Variants in MCAM observed in about 807,000 individuals in gnomAD.
The protein encoded by MCAM is cell surface glycoprotein MUC18.
In MCAM, 55 loss-of-function variants were observed where a neutral mutation model predicts 79.1. The observed-to-expected ratio is 0.70, with a 90% confidence interval of 0.56 to 0.87. The LOEUF (loss-of-function observed/expected upper bound fraction) is 0.87, where lower values mean the gene tolerates loss of function less well. Among genes scored for constraint, MCAM ranks in the 40% least tolerant of loss-of-function variants. MCAM has a pLI of 0.00. For synonymous variants in MCAM, 330 were observed against 339.8 expected, an observed-to-expected ratio of 0.97 and a Z score of 0.32; for missense variants, 745 against 839.8, an observed-to-expected ratio of 0.89 and a Z score of 1.40.
At position 119,310,904 on chromosome 11, in the gene MCAM, C is replaced by G; in HGVS notation, c.1646-1G>C. 5 of 1,614,200 alleles carry G rather than the reference C, an allele frequency of 3.1e-6. No individual in the cohort carries two copies. Among genetic ancestry groups the G allele is most frequent in the Non-Finnish European group, 4.2e-6 (5 of 1,180,038 alleles). On this transcript the variant is annotated splice_acceptor_variant, in intron 13 of 15. Coordinates refer to ENST00000264036, the MANE Select transcript of MCAM (RefSeq NM_006500.3). LOFTEE classifies it high-confidence loss of function. Reference sequence around the variant, plus strand: ...CTCTCCGGCTCCGGCAGCTTTCTCTCTGCGCCACAAAGACACTCCTCGTCA... The same window carrying G: ...CTCTCCGGCTCCGGCAGCTTTCTCTGTGCGCCACAAAGACACTCCTCGTCA...
chr11:119,312,440 T>C lies in MCAM; in HGVS notation c.862-12A>G, dbSNP rs753107283. Reference sequence around the variant, plus strand: ...CTGGTGCTGGGGTTCTAGGGAGGATTGGGGAGGTGAGCAGAGTGCACCTCC... The same window carrying C: ...CTGGTGCTGGGGTTCTAGGGAGGATCGGGGAGGTGAGCAGAGTGCACCTCC... On this transcript the variant is annotated splice_polypyrimidine_tract_variant and intron_variant, in intron 7 of 15. Coordinates refer to ENST00000264036, the MANE Select transcript of MCAM (RefSeq NM_006500.3). This position sits in a 1 kb window ranked among gnomAD's most constrained non-coding sequence, Gnocchi z 4.9. 6.8e-6 allele frequency: 11 copies of C among 1,612,110 alleles called. No individual in the cohort carries two copies. The East Asian group carries it at 2.5e-4, about 36-fold the overall frequency.
In MCAM at chr11:119,308,923, C is replaced by T. The variant is rs1179195114; in HGVS notation, c.*963G>A. ...TGAACACGGGGGATTGAGGCTAATT[C>T]ACCTGAACTCGAAAACAGCGCCCAG... is the stretch of plus-strand genomic sequence containing the variant. On this transcript the variant is annotated 3_prime_UTR_variant, in exon 16 of 16. Coordinates refer to ENST00000264036, the MANE Select transcript of MCAM (RefSeq NM_006500.3). The T allele has an allele frequency of 6.6e-6, 1 of 152,238 alleles. No homozygotes were observed. The highest frequency in any genetic ancestry group is 1.5e-5 in the Non-Finnish European group (1 of 68,054). 9.4% of individuals were successfully genotyped at this position (152,238 alleles called of 1,614,324 possible). A position where few individuals can be genotyped will look rare whatever the true frequency, so the allele number is the denominator to read the frequency against.
rs776965140 is a variant in MCAM at position 119,314,968 on chromosome 11, C to G, written c.265G>C (p.Glu89Gln). Residue 89 changes from glutamate to glutamine, a missense_variant, in exon 3 of 16, where the codon GAG becomes CAG. Glu to Gln is a conservative substitution (Grantham distance 29). Coordinates refer to ENST00000264036, the MANE Select transcript of MCAM (RefSeq NM_006500.3). ...CTGTCCTGGAGGCTGAGCCGCTGCT[C>G]GTACTCCCCAGGTTCGCTCTGGCCC... ...GQGQSEPGEY[E>Q]QRLSLQDRGA... is the part of the protein sequence containing the mutation. The G allele has an allele frequency of 1.9e-6, 3 of 1,611,982 alleles. No individual in the cohort carries two copies. The highest frequency in any genetic ancestry group is 2.5e-6 in the Non-Finnish European group (3 of 1,179,966).
At position 119,310,884 on chromosome 11, in the gene MCAM, C is replaced by T. The variant is rs139348270; in HGVS notation, c.1665G>A (p.Pro555=). 1.5e-5 allele frequency: 24 copies of T among 1,614,186 alleles called. No individual in the cohort carries two copies. In the Middle Eastern group the frequency reaches 4.9e-4, roughly 33 times the overall value. ...STSTERKLPE[P]ESRGVVIVAV... is the part of the protein sequence containing the mutation. ...CCACGATGACCACGCCCCGGCTCTC[C>T]GGCTCCGGCAGCTTTCTCTCTGCGC... Residue 555 remains proline, a synonymous_variant, in exon 14 of 16, where the codon CCG becomes CCA. Transcript: ENST00000264036.
intron 15 of MCAM, 34 bp downstream of exon 15, chr11:119,310,315 G>A (rs1238494577): frequency 5.8e-6 from 8 of 1,371,344 alleles, no homozygotes; most frequent in Non-Finnish European, 8.3e-6. Flanking sequence ...CCCTGAGGAT[G>A]TGGCAGGCTC....
chr11:119,314,591 G>C lies in MCAM; in HGVS notation c.472-15C>G, dbSNP rs770984475. On this transcript the variant is annotated splice_polypyrimidine_tract_variant and intron_variant, in intron 4 of 15. Transcript: ENST00000264036. Reference sequence around the variant, plus strand: ...CAGGTAGCGACCTAAAGAGCACAGGGTGTGAGTCTCCCTGCCTCCGAGCCC... The same window carrying C: ...CAGGTAGCGACCTAAAGAGCACAGGCTGTGAGTCTCCCTGCCTCCGAGCCC... 5 of 1,612,730 alleles carry C rather than the reference G, an allele frequency of 3.1e-6. No homozygotes were observed. In the East Asian group the frequency reaches 1.1e-4, roughly 36 times the overall value.
intron 15 of MCAM, 109 bp from the exon 16 acceptor site, chr11:119,310,024 CA>C (rs1950206133): frequency 2.1e-6 from 2 of 974,810 alleles, no homozygotes; most frequent in Non-Finnish European, 3.2e-6. Flanking sequence ...ATTTGGTGGG[CA>C]GCGTTGGGGA....
At position 119,311,124 on chromosome 11, in the gene MCAM, G is replaced by T. The variant is rs747854250; in HGVS notation, c.1611C>A (p.Ala537=). ...NTTTGLSTST[A]SPHTRANSTS... is the part of the protein sequence containing the mutation. The stretch of plus-strand genomic sequence containing the variant: ...TGCTGTTGGCTCTGGTATGAGGACT[G>T]GCAGTGGAAGTGCTGAGGCCAGTGG... The change falls in exon 13 of 16, where the codon GCC becomes GCA. Residue 537 remains alanine (A), a synonymous_variant. Coordinates refer to ENST00000264036, the MANE Select transcript of MCAM (RefSeq NM_006500.3). The surrounding 1 kb of genome is among the most constrained non-coding windows in gnomAD (Gnocchi z 4.4). 6.2e-7 allele frequency: 1 copy of T among 1,614,234 alleles called. No individual in the cohort carries two copies. The highest frequency in any genetic ancestry group is 1.1e-5 in the South Asian group (1 of 91,086).
At chr11:119,313,418 A>T in intron 5 of MCAM, 1 of 889,260 alleles carries the variant, frequency 1.1e-6, no homozygotes, top group Middle Eastern at 2.9e-4. Flanking sequence ...TTTTTTTCAG[A>T]CAGAGTTTCA....
rs762015931 is a variant in MCAM, at chr11:119,311,984, GA to G, written c.1144-36del. On this transcript the variant is annotated intron_variant, in intron 9 of 15. Transcript: ENST00000264036. This position sits in a 1 kb window ranked among gnomAD's most constrained non-coding sequence, Gnocchi z 4.4. ...GAGATGGGTCAGAGGGTCTGGGAAA[GA>G]GCACATTCTTGTCACCGCCAGCCCC... 2.2e-5 allele frequency: 35 copies of G among 1,611,786 alleles called. No homozygotes were observed. The highest frequency in any genetic ancestry group is 2.9e-5 in the Non-Finnish European group (34 of 1,179,092).
Position 119,311,192 on chromosome 11 carries a change from G to A in MCAM, c.1550-7C>T, listed in dbSNP as rs114759421. Reference sequence around the variant, plus strand: ...GTGAGGGTGGTTAAATTGACTAGGAGGCAGAGGGAGGGGTGTTAGGAGAAG... The same window carrying A: ...GTGAGGGTGGTTAAATTGACTAGGAAGCAGAGGGAGGGGTGTTAGGAGAAG... On this transcript the variant is annotated splice_polypyrimidine_tract_variant and splice_region_variant and intron_variant, in intron 12 of 15. Transcript: ENST00000264036. The surrounding 1 kb of genome is among the most constrained non-coding windows in gnomAD (Gnocchi z 4.4). 392 of 1,613,962 alleles carry A rather than the reference G, an allele frequency of 2.4e-4. No homozygotes were observed. The African/African-American group carries it at 4.8e-3, about 20-fold the overall frequency.
rs146231211 is a variant in MCAM, at chr11:119,310,872, G to A, written c.1677C>T (p.Gly559=). The A allele has an allele frequency of 3.3e-5, 53 of 1,614,038 alleles. No homozygotes were observed. The highest frequency in any genetic ancestry group is 8.0e-5 in the African/African-American group (6 of 74,920). The part of the protein sequence containing the change: ...ERKLPEPESR[G]VVIVAVIVCI... ...ACACAATCACAGCCACGATGACCAC[G>A]CCCCGGCTCTCCGGCTCCGGCAGCT... is the stretch of plus-strand genomic sequence containing the variant. Residue 559 remains glycine, a synonymous_variant, in exon 14 of 16, where the codon GGC becomes GGT. Coordinates refer to ENST00000264036, the MANE Select transcript of MCAM (RefSeq NM_006500.3).
chr11:119,312,518 C>G lies in MCAM; in HGVS notation c.861+9G>C. ...ATCCCCACCTGCACCCAGCACAAAG[C>G]CCCCACACCTGCTTGCTGATGCTGA... On this transcript the variant is annotated intron_variant, in intron 7 of 15. Transcript: ENST00000264036. The surrounding 1 kb of genome is among the most constrained non-coding windows in gnomAD (Gnocchi z 4.9). 1 of 1,614,082 alleles carries G rather than the reference C, an allele frequency of 6.2e-7. No individual in the cohort carries two copies. Among genetic ancestry groups the G allele is most frequent in the Non-Finnish European group, 8.5e-7 (1 of 1,180,024 alleles).
intron 4 of MCAM, 41 bp downstream of exon 4, chr11:119,314,638 G>C (rs748204133): frequency 6.8e-6 from 11 of 1,611,780 alleles, no homozygotes; most frequent in Non-Finnish European, 9.3e-6. Context: ...CATCTCAGCG[G>C]CTGCGCACCA....
chr11:119,315,518 T>C lies in MCAM; in HGVS notation c.68-255A>G. 1 of 500,284 alleles carries C rather than the reference T, an allele frequency of 2.0e-6. No homozygotes were observed. The highest frequency in any genetic ancestry group is 3.2e-5 in the Admixed American group (1 of 30,880). The allele number at this position is 500,284 out of a possible 1,614,324, so 31.0% of individuals were successfully genotyped here. A position where few individuals can be genotyped will look rare whatever the true frequency, so the allele number is the denominator to read the frequency against. The stretch of plus-strand genomic sequence containing the variant: ...AGCACCGAACAGCTCCAGCTGAGGC[T>C]GGTAGAGGGGCAGAAAGGGGCAACC... On this transcript the variant is annotated intron_variant, in intron 1 of 15. Coordinates refer to ENST00000264036, the MANE Select transcript of MCAM (RefSeq NM_006500.3). The surrounding 1 kb of genome is among the most constrained non-coding windows in gnomAD (Gnocchi z 4.4).
chr11:119,314,445 C>G, intron 5 of MCAM, 44 bp downstream of exon 5: 2 of 1,560,658 alleles, frequency 1.3e-6, no homozygotes, highest in Non-Finnish European at 1.8e-6. Flanking sequence ...TGTGAGCTAC[C>G]ACACCTGGCC....
In MCAM at chr11:119,309,455, G is replaced by A. The variant is rs1200527352; in HGVS notation, c.*431C>T. Reference sequence around the variant, plus strand: ...CGCACTTCAACATGAGCAGGCGCCTGGCTCCGGTGTGTCCTCACTTCAGTG... The same window carrying A: ...CGCACTTCAACATGAGCAGGCGCCTAGCTCCGGTGTGTCCTCACTTCAGTG... On this transcript the variant is annotated 3_prime_UTR_variant, in exon 16 of 16. Transcript: ENST00000264036. The A allele has an allele frequency of 5.0e-6, 1 of 199,854 alleles. No homozygotes were observed. The highest frequency in any genetic ancestry group is 1.0e-5 in the Non-Finnish European group (1 of 96,684). 12.4% of individuals were successfully genotyped at this position (199,854 alleles called of 1,614,324 possible).
At position 119,311,197 on chromosome 11, in the gene MCAM, AG is replaced by A. The variant is rs1565279629; in HGVS notation, c.1550-13del. On this transcript the variant is annotated splice_polypyrimidine_tract_variant and intron_variant, in intron 12 of 15. Transcript: ENST00000264036. This position sits in a 1 kb window ranked among gnomAD's most constrained non-coding sequence, Gnocchi z 4.4. ...GGTGGTTAAATTGACTAGGAGGCAG[AG>A]GGAGGGGTGTTAGGAGAAGCGCAAG... The A allele has an allele frequency of 6.2e-7, 1 of 1,613,808 alleles. No individual in the cohort carries two copies. The highest frequency in any genetic ancestry group is 8.5e-7 in the Non-Finnish European group (1 of 1,179,720).
In MCAM at chr11:119,311,058, ACAGCCCTGTTCTCTTG is replaced by A; in HGVS notation, c.1645+16_1645+31del. On this transcript the variant is annotated intron_variant, in intron 13 of 15. Coordinates refer to ENST00000264036, the MANE Select transcript of MCAM (RefSeq NM_006500.3). This position sits in a 1 kb window ranked among gnomAD's most constrained non-coding sequence, Gnocchi z 4.4. Reference sequence around the variant, plus strand: ...GACAGGGCAGAAAGGATGCCCTGGCACAGCCCTGTTCTCTTGCCAGGCCTGGCTTACCTGTGGAGGT... The same window carrying A: ...GACAGGGCAGAAAGGATGCCCTGGCACCAGGCCTGGCTTACCTGTGGAGGT... The A allele has an allele frequency of 6.2e-7, 1 of 1,614,172 alleles. No homozygotes were observed. The highest frequency in any genetic ancestry group is 8.5e-7 in the Non-Finnish European group (1 of 1,180,002).
Sources: allele counts gnomAD v4.1 joint callset, GRCh38; gene constraint gnomAD v4.1.1; non-coding constraint Gnocchi (gnomAD v3.1); transcripts MANE v1.5; gene names NCBI Gene and HGNC (gene_info 2026-07-23, HGNC 2026-07-21).